Variants in FAR2 observed in about 807,000 individuals in gnomAD.
FAR2 encodes fatty acyl-CoA reductase 2.
Under a neutral mutation model 56.0 loss-of-function variants are expected in FAR2, and 19 were observed. That is an observed-to-expected ratio of 0.34 (90% CI 0.24 to 0.50). The LOEUF (loss-of-function observed/expected upper bound fraction) is 0.50, where lower values mean the gene tolerates loss of function less well. Among genes scored for constraint, FAR2 ranks in the 20% least tolerant of loss-of-function variants. The pLI is 0.98. For missense variants in FAR2, 508 were observed against 642.2 expected, an observed-to-expected ratio of 0.79 and a Z score of 2.26; for synonymous variants, 219 against 218.8, an observed-to-expected ratio of 1.00 and a Z score of -0.01.
At chr12:29,317,063 G>A in intron 9 of FAR2, 51 bp downstream of exon 9, 1 of 1,544,648 alleles carries the variant, frequency 6.5e-7, no homozygotes, top group Non-Finnish European at 8.7e-7. Flanking sequence ...GGGAGATTAA[G>A]GCCCCAAAAT....
intron 10 of FAR2, among the ~76,000 whole-genome samples, chr12:29,325,576 A>G (rs984341059): frequency 1.3e-5 from 2 of 152,226 alleles, no homozygotes; most frequent in African/African-American, 4.8e-5. Context: ...CAATCAAACT[A>G]GAACTCAGGA....
At chr12:29,211,218 G>T (rs1163852397) in intron 1 of FAR2, among the ~76,000 whole-genome samples, 4 of 152,078 alleles carry the variant, frequency 2.6e-5, no homozygotes, top group Non-Finnish European at 4.4e-5. Context: ...TTGAACCTGG[G>T]AAGCGGAGGT....
At chr12:29,201,875 C>T (rs1947418723) in intron 1 of FAR2, among the ~76,000 whole-genome samples, 1 of 152,164 alleles carries the variant, frequency 6.6e-6, no homozygotes, top group Non-Finnish European at 1.5e-5. Context: ...TTGGACAGTG[C>T]AGATTTCCAC....
At chr12:29,205,163 C>T (rs144349231) in intron 1 of FAR2, among the ~76,000 whole-genome samples, 2 of 152,314 alleles carry the variant, frequency 1.3e-5, no homozygotes, top group African/African-American at 4.8e-5. Context: ...CCACCATATG[C>T]AAATCACCCT....
chr12:29,252,707 C>T (rs959210201), intron 1 of FAR2, among the ~76,000 whole-genome samples: 1 of 152,124 alleles, frequency 6.6e-6, no homozygotes, highest in African/African-American at 2.4e-5. Context: ...TGGTTGTATG[C>T]AGGATAGTTG....
chr12:29,257,465 G>A (rs1354670325), intron 1 of FAR2, among the ~76,000 whole-genome samples: 2 of 152,186 alleles, frequency 1.3e-5, no homozygotes, highest in Admixed American at 6.5e-5. Context: ...GGCTGCCCAA[G>A]CCAGCAGTGG....
intron 2 of FAR2, among the ~76,000 whole-genome samples, chr12:29,284,390 T>A (rs1948837180): frequency 6.6e-6 from 1 of 152,348 alleles, no homozygotes; most frequent in African/African-American, 2.4e-5. Flanking sequence ...AGAGGGACTA[T>A]CTTGAATGAT....
chr12:29,235,225 G>A (rs961283370), intron 1 of FAR2, among the ~76,000 whole-genome samples: 28 of 152,238 alleles, frequency 1.8e-4, no homozygotes, highest in Non-Finnish European at 3.4e-4. Context: ...GTTTAGCAGT[G>A]GGACAGATGT....
At chr12:29,307,605 T>C in intron 4 of FAR2, 53 bp from the exon 5 acceptor site, 1 of 1,498,790 alleles carries the variant, frequency 6.7e-7, no homozygotes, top group African/African-American at 1.4e-5. Flanking sequence ...CATTTTCCTT[T>C]TGGTTTATTG....
At chr12:29,156,460 T>G (rs1949728159) in intron 1 of FAR2, 1 of 152,182 alleles carries the variant, frequency 6.6e-6, no homozygotes, top group Non-Finnish European at 1.5e-5. Flanking sequence ...CACTTGTAAA[T>G]TTTATTCAAA....
intron 1 of FAR2, among the ~76,000 whole-genome samples, chr12:29,167,735 A>T (rs7960837): frequency 6.6e-5 from 10 of 152,212 alleles, no homozygotes; most frequent in South Asian, 4.1e-4. Flanking sequence ...CAACAGTTCA[A>T]GAATTATCCT....
intron 2 of FAR2, chr12:29,281,399 G>T (rs1204472336): frequency 6.6e-6 from 1 of 152,102 alleles, no homozygotes; most frequent in Admixed American, 6.5e-5. Flanking sequence ...TCTAATCTCT[G>T]GGAGGAACCT....
chr12:29,317,100 TA>T, intron 9 of FAR2, 88 bp downstream of exon 9: 1 of 1,370,188 alleles, frequency 7.3e-7, no homozygotes, highest in Non-Finnish European at 9.9e-7. Flanking sequence ...AGCCGAGGAT[TA>T]AAGGAGACAA....
intron 5 of FAR2, among the ~76,000 whole-genome samples, chr12:29,308,917 G>C (rs1389052948): frequency 1.3e-5 from 2 of 151,882 alleles, no homozygotes; most frequent in African/African-American, 2.4e-5. Context: ...GTCCATAAGA[G>C]GTCATAAAAC....
At chr12:29,276,957 G>A (rs1360828132) in intron 2 of FAR2, among the ~76,000 whole-genome samples, 1 of 151,426 alleles carries the variant, frequency 6.6e-6, no homozygotes, top group East Asian at 1.9e-4. Context: ...AAAAAAAATA[G>A]ATAAAATACG....
intron 7 of FAR2, among the ~76,000 whole-genome samples, 188 bp from the exon 8 acceptor site, chr12:29,311,681 CACACACACACACAT>C (rs1053873346): frequency 1.3e-5 from 2 of 151,770 alleles, no homozygotes; most frequent in African/African-American, 4.8e-5. Context: ...CACACACACA[CACACACACACACAT>C]GCTTTTCCTA....
At chr12:29,230,516 G>C (rs1200047901) in intron 1 of FAR2, among the ~76,000 whole-genome samples, 5 of 152,046 alleles carry the variant, frequency 3.3e-5, no homozygotes, top group Non-Finnish European at 7.4e-5. Context: ...GCAACCCTTG[G>C]AGAGTTTTAG....
intron 1 of FAR2, among the ~76,000 whole-genome samples, chr12:29,175,103 G>A (rs1001023443): frequency 6.6e-6 from 1 of 152,146 alleles, no homozygotes; most frequent in African/African-American, 2.4e-5. Flanking sequence ...TGGCTGACAG[G>A]TGCCCAGTAT....
intron 1 of FAR2, among the ~76,000 whole-genome samples, chr12:29,182,462 CAG>C (rs1395588199): frequency 6.6e-6 from 1 of 152,176 alleles, no homozygotes; most frequent in Non-Finnish European, 1.5e-5. Flanking sequence ...TAGCTAGACA[CAG>C]AGTGCTGATT....
Sources: allele counts gnomAD v4.1 joint callset (sites outside exome capture counted in the v4.1 genomes callset), GRCh38; gene constraint gnomAD v4.1.1; transcripts MANE v1.5; gene names NCBI Gene and HGNC (gene_info 2026-07-23, HGNC 2026-07-21).